Variants in FRRS1 observed in about 807,000 individuals in gnomAD.
FRRS1 encodes ferric chelate reductase 1.
In FRRS1, 51 loss-of-function variants were observed where a neutral mutation model predicts 70.7. The ratio of observed to expected loss-of-function variants is 0.72; its 90% CI spans 0.58 to 0.91. The LOEUF is 0.91. FRRS1 is among the 40% of genes least tolerant of loss of function. FRRS1 has a pLI of 0.00. For synonymous variants in FRRS1, 225 were observed against 238.7 expected, an observed-to-expected ratio of 0.94 and a Z score of 0.53; for missense variants, 672 against 726.0, an observed-to-expected ratio of 0.93 and a Z score of 0.86.
At chr1:99,709,917 A>G (rs759661248) in intron 15 of FRRS1, among the ~76,000 whole-genome samples, 49 of 152,166 alleles carry the variant, frequency 3.2e-4, no homozygotes, top group Non-Finnish European at 6.8e-4. Context: ...GCAGTGAGCT[A>G]TGATCACACC....
At chr1:99,764,966 T>C (rs1276278441) in intron 1 of FRRS1, among the ~76,000 whole-genome samples, 2 of 152,240 alleles carry the variant, frequency 1.3e-5, no homozygotes, top group Non-Finnish European at 2.9e-5. Flanking sequence ...TGGTGACTTG[T>C]CTTTTGGTAA....
intron 1 of FRRS1, among the ~76,000 whole-genome samples, chr1:99,756,616 T>A (rs561258401): frequency 6.6e-6 from 1 of 152,300 alleles, no homozygotes; most frequent in East Asian, 1.9e-4. Context: ...TATTTAGATG[T>A]AAGAAAGTCA....
intron 7 of FRRS1, among the ~76,000 whole-genome samples, chr1:99,731,865 C>A (rs1241026179): frequency 6.6e-6 from 1 of 152,046 alleles, no homozygotes; most frequent in Admixed American, 6.6e-5. Context: ...GGATTCTCGC[C>A]CTGTTGCCCA....
At chr1:99,758,152 T>G (rs866442843) in intron 1 of FRRS1, among the ~76,000 whole-genome samples, 1 of 152,348 alleles carries the variant, frequency 6.6e-6, no homozygotes, top group Middle Eastern at 3.4e-3. Flanking sequence ...AGCTGGCACT[T>G]TACATAAGAT....
chr1:99,717,128 A>G, intron 11 of FRRS1, among the ~76,000 whole-genome samples: 1 of 152,156 alleles, frequency 6.6e-6, no homozygotes, highest in African/African-American at 2.4e-5. Flanking sequence ...GGTATAAGTA[A>G]AGGTCATTTG....
At chr1:99,715,821 T>C in intron 11 of FRRS1, 149 bp from the exon 12 acceptor site, 2 of 454,370 alleles carry the variant, frequency 4.4e-6, no homozygotes, top group Non-Finnish European at 8.1e-6. Context: ...GTAGCCAGGT[T>C]AAGAAAAAAA....
chr1:99,759,583 A>G (rs2131635), intron 1 of FRRS1, among the ~76,000 whole-genome samples: 5,388 of 152,244 alleles, frequency 0.035, 332 homozygotes, highest in African/African-American at 0.12. Flanking sequence ...AATAGGTAAA[A>G]CCACAGAAGG....
chr1:99,754,582 A>G (rs1656742496), intron 1 of FRRS1, among the ~76,000 whole-genome samples: 1 of 152,202 alleles, frequency 6.6e-6, no homozygotes, highest in South Asian at 2.1e-4. Context: ...ATTCAACAAC[A>G]TCAGTCAACT....
chr1:99,749,091 A>G (rs896688254), intron 1 of FRRS1, 90 bp from the exon 2 acceptor site: 6 of 198,196 alleles, frequency 3.0e-5, no homozygotes, highest in Non-Finnish European at 5.1e-5. Context: ...GCTGGAGTGC[A>G]GTGGCACAAT....
intron 1 of FRRS1, among the ~76,000 whole-genome samples, chr1:99,755,300 T>G (rs1656776514): frequency 6.7e-6 from 1 of 150,162 alleles, no homozygotes; most frequent in Non-Finnish European, 1.5e-5. Context: ...GTGGCATGCC[T>G]GTAGTCTCAG....
intron 9 of FRRS1, among the ~76,000 whole-genome samples, chr1:99,723,175 AATGT>A (rs1654918737): frequency 1.3e-5 from 2 of 152,196 alleles, no homozygotes; most frequent in South Asian, 4.1e-4. Context: ...GGAATATCCC[AATGT>A]GTTCCTGCAT....
At chr1:99,737,503 T>G (rs1655730756) in intron 7 of FRRS1, among the ~76,000 whole-genome samples, 1 of 152,260 alleles carries the variant, frequency 6.6e-6, no homozygotes, top group African/African-American at 2.4e-5. Flanking sequence ...TTAACTGTAT[T>G]TCCTGCTTTA....
chr1:99,709,262 G>T lies in FRRS1; in HGVS notation c.1625-3C>A, dbSNP rs764422860. The T allele has an allele frequency of 1.3e-6, 2 of 1,596,752 alleles. No individual in the cohort carries two copies. The highest frequency in any genetic ancestry group is 1.1e-5 in the South Asian group (1 of 90,578). The stretch of plus-strand genomic sequence containing the variant: ...TCTGTCATCATCCAATATTTCAACT[G>T]TCAAGAATAATAACATAAGTTTTTA... On this transcript the variant is annotated splice_polypyrimidine_tract_variant and splice_region_variant and intron_variant, in intron 15 of 16. Transcript: ENST00000646001.
At chr1:99,740,026 G>T (rs1415982115) in intron 6 of FRRS1, among the ~76,000 whole-genome samples, 1 of 151,988 alleles carries the variant, frequency 6.6e-6, no homozygotes, top group East Asian at 1.9e-4. Context: ...AAATCAGAGG[G>T]CCTAGATGAA....
At position 99,708,050 on chromosome 1, in the gene FRRS1, G is replaced by T. The variant is rs1011278711; in HGVS notation, c.*978C>A. On this transcript the variant is annotated 3_prime_UTR_variant, in exon 17 of 17. Transcript: ENST00000646001. Reference sequence around the variant, plus strand: ...ATCTCTGTAGCTGAATACATAAATAGTATCTTTAAGTAAAAGATGCATACT... The same window carrying T: ...ATCTCTGTAGCTGAATACATAAATATTATCTTTAAGTAAAAGATGCATACT... Among the ~76,000 whole-genome samples the T allele has an allele frequency of 2.6e-5, 4 of 152,144 alleles. No individual in the cohort carries two copies. Among genetic ancestry groups the T allele is most frequent in the Admixed American group, 6.5e-5 (1 of 15,286 alleles).
At position 99,748,917 on chromosome 1, in the gene FRRS1, T is replaced by C. The variant is rs1015823029; in HGVS notation, c.-21A>G. The C allele has an allele frequency of 7.1e-6, 4 of 567,270 alleles. No individual in the cohort carries two copies. The highest frequency in any genetic ancestry group is 1.2e-5 in the Non-Finnish European group (4 of 329,030). 35.1% of individuals were successfully genotyped at this position (567,270 alleles called of 1,614,324 possible). A position where few individuals can be genotyped will look rare whatever the true frequency, so the allele number is the denominator to read the frequency against. On this transcript the variant is annotated 5_prime_UTR_variant, in exon 2 of 17. Transcript: ENST00000646001. Reference sequence around the variant, plus strand: ...CATACCTGATAAAAAGAATGTGATATGTGAAGTTTCACCCGAATTTCAATC... The same window carrying C: ...CATACCTGATAAAAAGAATGTGATACGTGAAGTTTCACCCGAATTTCAATC...
chr1:99,724,042 T>G (rs75471524), intron 9 of FRRS1, among the ~76,000 whole-genome samples: 110 of 152,266 alleles, frequency 7.2e-4, no homozygotes, highest in African/African-American at 2.5e-3. Flanking sequence ...GAGTGGTAGT[T>G]ATGAAAAAGA....
intron 10 of FRRS1, 106 bp downstream of exon 10, chr1:99,719,425 AAAT>A: frequency 1.5e-6 from 1 of 647,210 alleles, no homozygotes; most frequent in East Asian, 3.0e-5. Flanking sequence ...AAAAAAAAAA[AAAT>A]GCTTTATAAA....
chr1:99,721,004 CA>C (rs1654792753), intron 9 of FRRS1, among the ~76,000 whole-genome samples: 1 of 152,058 alleles, frequency 6.6e-6, no homozygotes, highest in Admixed American at 6.6e-5. Context: ...TCAGAAAAGT[CA>C]GTCCTCTAAA....
Sources: gnomAD v4.1 joint callset for allele counts (sites outside exome capture counted in the v4.1 genomes callset) on GRCh38, gnomAD v4.1.1 for gene constraint, MANE v1.5 for transcripts, NCBI Gene and HGNC (gene_info 2026-07-23, HGNC 2026-07-21) for gene names.